Variants in ERAP1 observed in about 807,000 individuals in gnomAD.
ERAP1 encodes endoplasmic reticulum aminopeptidase 1, also known as adipocyte-derived leucine aminopeptidase.
A neutral mutation model predicts 103.7 loss-of-function variants in ERAP1; 86 were observed. The ratio of observed to expected loss-of-function variants is 0.83; its 90% CI spans 0.70 to 0.99. The LOEUF is 0.99. ERAP1 is among the 50% of genes least tolerant of loss of function. The pLI, the probability that ERAP1 is intolerant of heterozygous loss-of-function variation, is 0.00. For synonymous variants in ERAP1, 398 were observed against 402.4 expected, an observed-to-expected ratio of 0.99 and a Z score of 0.13; for missense variants, 1,009 against 1,128.4, an observed-to-expected ratio of 0.89 and a Z score of 1.52.
the ERAP1 span, among the ~76,000 whole-genome samples, chr5:96,869,419 C>G: frequency 6.6e-6 from 1 of 152,044 alleles, no homozygotes; most frequent in Non-Finnish European, 1.5e-5. Context: ...CTATTTACTC[C>G]TGGATGAAAG....
At chr5:96,880,620 G>C in the ERAP1 span, among the ~76,000 whole-genome samples, 1 of 152,248 alleles carries the variant, frequency 6.6e-6, no homozygotes, top group Non-Finnish European at 1.5e-5. Context: ...ATGTAAGTGA[G>C]ACTGGGATTG....
chr5:96,822,967 C>T, the ERAP1 span: 3 of 441,682 alleles, frequency 6.8e-6, no homozygotes, highest in Non-Finnish European at 1.4e-5. Context: ...GATCCACTTT[C>T]AGTCTCACTC....
At chr5:96,839,215 G>C in the ERAP1 span, among the ~76,000 whole-genome samples, 1 of 152,202 alleles carries the variant, frequency 6.6e-6, no homozygotes, top group Admixed American at 6.5e-5. Context: ...TCACTAACCA[G>C]TAATCTGCCT....
At chr5:96,881,882 C>A in the ERAP1 span, among the ~76,000 whole-genome samples, 1 of 152,322 alleles carries the variant, frequency 6.6e-6, no homozygotes, top group African/African-American at 2.4e-5. Context: ...ATAGCCTCAC[C>A]AAGTCACAAG....
Position 96,800,949 on chromosome 5 carries a change from G to A in ERAP1, c.576C>T (p.Pro192=). 6.2e-7 allele frequency: 1 copy of A among 1,614,106 alleles called. No individual in the cohort carries two copies. Among genetic ancestry groups the A allele is most frequent in the Non-Finnish European group, 8.5e-7 (1 of 1,180,004 alleles). ...FEPTAARMAF[P]CFDEPAFKAS... ...CTTTGAAGGCAGGTTCATCAAAGCAGGGAAAGGCCATTCTAGCTGCAGTGG... is the reference window on the plus strand; with the variant it reads ...CTTTGAAGGCAGGTTCATCAAAGCAAGGAAAGGCCATTCTAGCTGCAGTGG... Residue 192 remains proline, a synonymous_variant, in exon 3 of 19, where the codon CCC becomes CCT. Transcript: ENST00000443439.
In ERAP1 at chr5:96,803,403, C is replaced by T; in HGVS notation, c.524G>A (p.Arg175Lys). 5 of 1,613,008 alleles carry T rather than the reference C, an allele frequency of 3.1e-6. No individual in the cohort carries two copies. The highest frequency in any genetic ancestry group is 4.2e-6 in the Non-Finnish European group (5 of 1,179,732). Reference sequence around the variant, plus strand: ...AAAAGAAAAAGAGAAAAAAAAATACCTCAGTTCCCCTTCCTTGGTTCTGTA... The same window carrying T: ...AAAAGAAAAAGAGAAAAAAAAATACTTCAGTTCCCCTTCCTTGGTTCTGTA... ...STYRTKEGELRILASTQFEPT... is the reference protein window; with the variant it reads ...STYRTKEGELKILASTQFEPT... Residue 175 changes from arginine (R) to lysine (K), a missense_variant and splice_region_variant, in exon 2 of 19, where the codon AGG (arginine) becomes AAG (lysine). This residue lies in a region of ERAP1 where 392 missense variants were observed against 455.2 expected (regional missense o/e 0.86). Transcript: ENST00000443439.
chr5:96,903,306 A>T, the ERAP1 span: 1 of 1,197,214 alleles, frequency 8.4e-7, no homozygotes, highest in Non-Finnish European at 1.2e-6. Flanking sequence ...TTGATTAAAA[A>T]TAACAGTTCT....
the ERAP1 span, among the ~76,000 whole-genome samples, chr5:96,917,218 C>T: frequency 4.9e-5 from 7 of 143,734 alleles, no homozygotes; most frequent in Non-Finnish European, 9.3e-5. Context: ...GCAATCCTCC[C>T]GCCTCAGCCT....
intron 3 of ERAP1, among the ~76,000 whole-genome samples, chr5:96,799,111 C>T (rs989670658): frequency 3.3e-5 from 5 of 152,086 alleles, no homozygotes; most frequent in African/African-American, 1.2e-4. Flanking sequence ...GGTTATCCAC[C>T]TGCCTCAGCC....
the ERAP1 span, among the ~76,000 whole-genome samples, chr5:96,849,253 C>T: frequency 6.6e-6 from 1 of 152,026 alleles, no homozygotes; most frequent in African/African-American, 2.4e-5. Context: ...TAACATAGTA[C>T]TGGAAGTCCT....
chr5:96,884,606 G>A, the ERAP1 span, among the ~76,000 whole-genome samples: 1 of 152,096 alleles, frequency 6.6e-6, no homozygotes, highest in African/African-American at 2.4e-5. Flanking sequence ...TGCCCAGGTT[G>A]GAGTGCAATG....
At chr5:96,769,402 T>G (rs1378393734) in intron 19 of ERAP1, 3 of 152,064 alleles carry the variant, frequency 2.0e-5, no homozygotes, top group Non-Finnish European at 2.9e-5. Flanking sequence ...TTTTGTTTTT[T>G]TTTTTTTGCC....
At chr5:96,891,518 CCCA>C in the ERAP1 span, among the ~76,000 whole-genome samples, 1 of 28,762 alleles carries the variant, frequency 3.5e-5, no homozygotes, top group African/African-American at 1.4e-4. Context: ...TATATATATG[CCCA>C]TATACGGTAT....
At chr5:96,798,633 T>C (rs1166000751) in intron 3 of ERAP1, among the ~76,000 whole-genome samples, 1 of 151,884 alleles carries the variant, frequency 6.6e-6, no homozygotes, top group Non-Finnish European at 1.5e-5. Flanking sequence ...CTGGCTGGTC[T>C]TGGACTCCTG....
At chr5:96,835,976 G>A in the ERAP1 span, among the ~76,000 whole-genome samples, 1 of 152,080 alleles carries the variant, frequency 6.6e-6, no homozygotes, top group Non-Finnish European at 1.5e-5. Flanking sequence ...TGGGACCTCC[G>A]TTTCACCTTT....
the ERAP1 span, among the ~76,000 whole-genome samples, chr5:96,824,042 G>A: frequency 2.0e-5 from 3 of 152,186 alleles, no homozygotes; most frequent in Non-Finnish European, 4.4e-5. Context: ...TCCTATCCCA[G>A]ACAAGTCAGA....
At chr5:96,876,646 T>C in the ERAP1 span, 1 of 152,520 alleles carries the variant, frequency 6.6e-6, no homozygotes, top group Non-Finnish European at 1.5e-5. Flanking sequence ...GGCAAGGTTC[T>C]GGGGGACTGG....
intron 19 of ERAP1, among the ~76,000 whole-genome samples, chr5:96,765,503 C>A (rs1429234504): frequency 6.6e-6 from 1 of 152,064 alleles, no homozygotes; most frequent in Non-Finnish European, 1.5e-5. Context: ...GTCACTGAAT[C>A]TGTGACAGAG....
At chr5:96,791,932 A>G in intron 8 of ERAP1, 129 bp downstream of exon 8, 1 of 941,334 alleles carries the variant, frequency 1.1e-6, no homozygotes, top group Admixed American at 2.0e-5. Context: ...AGTTGACTCC[A>G]GCCAGCACGT....
Sources: gnomAD v4.1 joint callset for allele counts (sites outside exome capture counted in the v4.1 genomes callset) on GRCh38, gnomAD v4.1.1 for gene constraint, gnomAD v4.1.1 regional missense constraint, MANE v1.5 for transcripts, NCBI Gene and HGNC (gene_info 2026-07-23, HGNC 2026-07-21) for gene names.